Variants in DPP9 observed in about 807,000 individuals in gnomAD.
The protein encoded by DPP9 is dipeptidyl peptidase 9.
A neutral mutation model predicts 110.7 loss-of-function variants in DPP9; 50 were observed. The ratio of observed to expected loss-of-function variants is 0.45; its 90% CI spans 0.36 to 0.57. DPP9 has a LOEUF of 0.57. Among genes scored for constraint, DPP9 ranks in the 20% least tolerant of loss-of-function variants. The pLI is 0.00. For missense variants in DPP9, 1,022 were observed against 1,217.9 expected (o/e 0.84, Z 2.39); for synonymous variants, 561 against 514.4 (o/e 1.09, Z -1.23).
At position 4,684,757 on chromosome 19, in the gene DPP9, G is replaced by A; in HGVS notation, c.2084C>T (p.Thr695Ile). ...FKGIKYLRLN[T>I]LASLGYAVVV... is the part of the protein sequence containing the mutation. The stretch of plus-strand genomic sequence containing the variant: ...CACGGCGTAGCCCAGGGAGGCCAGT[G>A]TGTTGAGCCGCAAGTACTTGATGCC... Residue 695 changes from threonine to isoleucine, a missense_variant, in exon 18 of 22, where the codon ACA (threonine) becomes ATA (isoleucine). Thr to Ile is a moderately conservative substitution (Grantham distance 89, BLOSUM62 -1). This residue lies in a region of DPP9 where 209 missense variants were observed against 280.4 expected (regional missense o/e 0.75). Transcript: ENST00000262960. The surrounding 1 kb of genome is among the most constrained non-coding windows in gnomAD (Gnocchi z 4.8). 4 of 1,606,230 alleles carry A rather than the reference G, an allele frequency of 2.5e-6. No homozygotes were observed. Among genetic ancestry groups the A allele is most frequent in the Non-Finnish European group, 3.4e-6 (4 of 1,176,682 alleles).
At chr19:4,715,268 C>T (rs1762751897) in intron 3 of DPP9, among the ~76,000 whole-genome samples, 1 of 152,084 alleles carries the variant, frequency 6.6e-6, no homozygotes, top group African/African-American at 2.4e-5. Context: ...AGTGATCCGC[C>T]TCCCTCAGCT....
At position 4,704,997 on chromosome 19, in the gene DPP9, CA is replaced by C. The variant is rs948801610; in HGVS notation, c.427-694del. 9.6e-5 allele frequency among the ~76,000 whole-genome samples: 14 copies of C among 145,162 alleles called. No individual in the cohort carries two copies. Among genetic ancestry groups the C allele is most frequent in the Admixed American group, 2.1e-4 (3 of 14,536 alleles). On this transcript the variant is annotated intron_variant, in intron 5 of 21. Transcript: ENST00000262960. This position sits in a 1 kb window ranked among gnomAD's most constrained non-coding sequence, Gnocchi z 6.0. ...TGAGTGACAGAGTGAGACTTTGTCT[CA>C]AAAAAAAAAGCAGAATCAAAAGCAA...
intron 16 of DPP9, chr19:4,688,403 C>T (rs1242714419): frequency 1.2e-5 from 3 of 243,936 alleles, no homozygotes; most frequent in Non-Finnish European, 2.4e-5. Flanking sequence ...GCCACTGTGC[C>T]CGCTGATGAA....
At chr19:4,691,666 C>T (rs550433973) in intron 13 of DPP9, among the ~76,000 whole-genome samples, 85 of 145,844 alleles carry the variant, frequency 5.8e-4, no homozygotes, top group African/African-American at 2.0e-3. Flanking sequence ...TTTGTAAAAC[C>T]AGACTTTTTT....
In DPP9 at chr19:4,693,819, C is replaced by A. The variant is rs1380370197; in HGVS notation, c.1516+842G>T. ...ACCATCTGCTTTTTCTCTCCCCACC[C>A]TCTCCTCCCTCTCTCCCCCTCCTCC... On this transcript the variant is annotated intron_variant, in intron 13 of 21. Coordinates refer to ENST00000262960, the MANE Select transcript of DPP9 (RefSeq NM_139159.5). The surrounding 1 kb of genome is among the most constrained non-coding windows in gnomAD (Gnocchi z 5.0). Among the ~76,000 whole-genome samples the A allele has an allele frequency of 1.3e-5, 2 of 151,992 alleles. No individual in the cohort carries two copies. The highest frequency in any genetic ancestry group is 2.9e-5 in the Non-Finnish European group (2 of 67,944).
At position 4,704,046 on chromosome 19, in the gene DPP9, AG is replaced by A; in HGVS notation, c.608del (p.Pro203LeufsTer2). The A allele has an allele frequency of 1.2e-6, 2 of 1,613,998 alleles. No individual in the cohort carries two copies. Among genetic ancestry groups the A allele is most frequent in the South Asian group, 2.2e-5 (2 of 91,084 alleles). ...DGGKNGFMVS[P>X]MKPLEIKTQC... The stretch of plus-strand genomic sequence containing the variant: ...GGGTCTTGATTTCCAGCGGTTTCAT[AG>A]GGGACACCTGAGGACAGAGACGCCC... On this transcript the variant is annotated frameshift_variant, in exon 7 of 22. Transcript: ENST00000262960. LOFTEE classifies it high-confidence loss of function. This position sits in a 1 kb window ranked among gnomAD's most constrained non-coding sequence, Gnocchi z 6.0.
intron 4 of DPP9, among the ~76,000 whole-genome samples, chr19:4,706,789 C>A (rs765838750): frequency 6.8e-4 from 103 of 152,202 alleles, no homozygotes; most frequent in Non-Finnish European, 1.3e-3. Context: ...GTAGTCCAGC[C>A]TGGGTAACAG....
At chr19:4,678,299 G>A (rs1159050363) in intron 21 of DPP9, among the ~76,000 whole-genome samples, 1 of 152,010 alleles carries the variant, frequency 6.6e-6, no homozygotes, top group Non-Finnish European at 1.5e-5. Flanking sequence ...TTTTAGTAGA[G>A]ACGGAGCTTT....
In DPP9 at chr19:4,685,919, CG is replaced by C. The variant is rs1295091533; in HGVS notation, c.1886-149del. ...CCCGAGAGTTGATAATTGAAAAAAA[CG>C]TTTTTTTTTCATTAAATAAGATTTG... On this transcript the variant is annotated intron_variant, in intron 16 of 21. Coordinates refer to ENST00000262960, the MANE Select transcript of DPP9 (RefSeq NM_139159.5). This position sits in a 1 kb window ranked among gnomAD's most constrained non-coding sequence, Gnocchi z 5.8. 8 of 909,156 alleles carry C rather than the reference CG, an allele frequency of 8.8e-6. No individual in the cohort carries two copies. Among genetic ancestry groups the C allele is most frequent in the Admixed American group, 2.9e-5 (1 of 33,934 alleles). 56.3% of individuals were successfully genotyped at this position (909,156 alleles called of 1,614,324 possible). A position where few individuals can be genotyped will look rare whatever the true frequency, so the allele number is the denominator to read the frequency against.
In DPP9 at chr19:4,676,649, G is replaced by C. The variant is rs1396626468; in HGVS notation, c.2594C>G (p.Pro865Arg). ...AGKPYQLQIY[P>R]NERHSIRCPE... ...GCAGCGAATACTGTGTCTCTCGTTG[G>C]GGTAGATCTGCGGGGAGACAGGAGG... is the stretch of plus-strand genomic sequence containing the variant. Residue 865 changes from proline to arginine, a missense_variant, in exon 22 of 22, where the codon CCC (proline) becomes CGC (arginine). Coordinates refer to ENST00000262960, the MANE Select transcript of DPP9 (RefSeq NM_139159.5). The surrounding 1 kb of genome is among the most constrained non-coding windows in gnomAD (Gnocchi z 4.0). 1 of 1,601,654 alleles carries C rather than the reference G, an allele frequency of 6.2e-7. No homozygotes were observed. The highest frequency in any genetic ancestry group is 8.5e-7 in the Non-Finnish European group (1 of 1,174,260).
At chr19:4,720,068 A>C (rs2093253880) in intron 2 of DPP9, 127 bp from the exon 3 acceptor site, 11 of 754,564 alleles carry the variant, frequency 1.5e-5, no homozygotes, top group Middle Eastern at 3.6e-4. Flanking sequence ...GAGCACCCTG[A>C]AGCCAAGGGC....
rs138011335 is a variant in DPP9 at position 4,698,804 on chromosome 19, G to A, written c.1075-1153C>T. 6.6e-4 allele frequency among the ~76,000 whole-genome samples: 100 copies of A among 152,192 alleles called. No individual in the cohort carries two copies. The highest frequency in any genetic ancestry group is 5.4e-3 in the East Asian group (28 of 5,176). On this transcript the variant is annotated intron_variant, in intron 10 of 21. Coordinates refer to ENST00000262960, the MANE Select transcript of DPP9 (RefSeq NM_139159.5). The surrounding 1 kb of genome is among the most constrained non-coding windows in gnomAD (Gnocchi z 4.2). ...CCCAGCCTGGAAGGAGGTTTCACGTGCATCACTGGCAAAGCCACTCAGACT... is the reference window on the plus strand; with the variant it reads ...CCCAGCCTGGAAGGAGGTTTCACGTACATCACTGGCAAAGCCACTCAGACT...
At chr19:4,722,375 G>A (rs981986623) in intron 2 of DPP9, 124 bp downstream of exon 2, 2 of 608,646 alleles carry the variant, frequency 3.3e-6, no homozygotes, top group African/African-American at 1.9e-5. Context: ...CTGCCCTGCG[G>A]AGGACAACCA....
Position 4,695,573 on chromosome 19 carries a change from G to A in DPP9, c.1176-18C>T, listed in dbSNP as rs776817934. 7.6e-6 allele frequency: 11 copies of A among 1,454,748 alleles called. No individual in the cohort carries two copies. The allele number at this position is 1,454,748 out of a possible 1,614,324, so 90.1% of individuals were successfully genotyped here. The stretch of plus-strand genomic sequence containing the variant: ...CCCAGGCGCTAAGGGGGAAGATGCG[G>A]GGGAAGATGAGAGGGAAGCTGGGAG... On this transcript the variant is annotated intron_variant, in intron 11 of 21. Coordinates refer to ENST00000262960, the MANE Select transcript of DPP9 (RefSeq NM_139159.5). The surrounding 1 kb of genome is among the most constrained non-coding windows in gnomAD (Gnocchi z 4.7).
At chr19:4,707,369 G>A (rs1019223143) in intron 4 of DPP9, among the ~76,000 whole-genome samples, 1 of 152,270 alleles carries the variant, frequency 6.6e-6, no homozygotes, top group South Asian at 2.1e-4. Flanking sequence ...AATGGCAGAA[G>A]CAGGATGGTA....
intron 1 of DPP9, 133 bp from the exon 2 acceptor site, chr19:4,722,684 GC>G: frequency 1.5e-6 from 1 of 657,360 alleles, no homozygotes; most frequent in South Asian, 1.7e-5. Context: ...CTGCCTTGAA[GC>G]CCTGCAGCAC....
At chr19:4,707,344 G>A (rs1170135717) in intron 4 of DPP9, among the ~76,000 whole-genome samples, 1 of 152,148 alleles carries the variant, frequency 6.6e-6, no homozygotes, top group African/African-American at 2.4e-5. Context: ...CAGTACAATT[G>A]TCATTAGAAA....
At chr19:4,717,416 C>A (rs1319096888) in intron 3 of DPP9, among the ~76,000 whole-genome samples, 1 of 152,166 alleles carries the variant, frequency 6.6e-6, no homozygotes, top group African/African-American at 2.4e-5. Context: ...GAAAACTGAG[C>A]CCGGGGAGCT....
Position 4,676,091 on chromosome 19 carries a change from GA to G in DPP9, c.*472del. The G allele has an allele frequency of 6.2e-6, 1 of 161,992 alleles. No individual in the cohort carries two copies. Among genetic ancestry groups the G allele is most frequent in the Non-Finnish European group, 1.4e-5 (1 of 73,950 alleles). The allele number at this position is 161,992 out of a possible 1,614,324, so 10.0% of individuals were successfully genotyped here. A position where few individuals can be genotyped will look rare whatever the true frequency, so the allele number is the denominator to read the frequency against. Reference sequence around the variant, plus strand: ...CCCGGCCTGTCTTTTAAATAATTATGAAAAATATCCCCCCAAACAAAACACA... The same window carrying G: ...CCCGGCCTGTCTTTTAAATAATTATGAAAATATCCCCCCAAACAAAACACA... On this transcript the variant is annotated 3_prime_UTR_variant, in exon 22 of 22. Transcript: ENST00000262960. The surrounding 1 kb of genome is among the most constrained non-coding windows in gnomAD (Gnocchi z 4.0).
Sources: allele counts gnomAD v4.1 joint callset (sites outside exome capture counted in the v4.1 genomes callset), GRCh38; gene constraint gnomAD v4.1.1; regional missense constraint gnomAD v4.1.1; non-coding constraint Gnocchi (gnomAD v3.1); transcripts MANE v1.5; gene names NCBI Gene and HGNC (gene_info 2026-07-23, HGNC 2026-07-21).